Variants in GPC5 observed in about 807,000 individuals in gnomAD.
The protein encoded by GPC5 is glypican-5.
Under a neutral mutation model 53.9 loss-of-function variants are expected in GPC5, and 47 were observed. The observed-to-expected ratio is 0.87, with a 90% CI of 0.69 to 1.11. The LOEUF (loss-of-function observed/expected upper bound fraction) is 1.11. Among genes scored for constraint, GPC5 ranks in the 50% most tolerant of loss-of-function variants. The probability of loss-of-function intolerance (pLI) is 0.00; values close to 1 mark genes in which losing one functional copy is unlikely to be tolerated. For synonymous variants in GPC5, 286 were observed against 263.3 expected, an observed-to-expected ratio of 1.09 and a Z score of -0.84; for missense variants, 748 against 713.1, an observed-to-expected ratio of 1.05 and a Z score of -0.56.
intron 7 of GPC5, among the ~76,000 whole-genome samples, chr13:92,267,174 C>T (rs920706908): frequency 8.6e-5 from 13 of 152,006 alleles, no homozygotes; most frequent in African/African-American, 2.2e-4. Context: ...ATCAAACATA[C>T]GTTCTTTTTT....
intron 7 of GPC5, among the ~76,000 whole-genome samples, chr13:92,694,474 G>A (rs1283766820): frequency 6.6e-6 from 1 of 152,142 alleles, no homozygotes; most frequent in Non-Finnish European, 1.5e-5. Context: ...AGCATCCCTT[G>A]ATGCAAGACA....
chr13:92,452,972 G>A (rs974033072), intron 7 of GPC5, among the ~76,000 whole-genome samples: 6 of 152,176 alleles, frequency 3.9e-5, no homozygotes. Flanking sequence ...TTAAACTCGG[G>A]AGAACTGGCT....
intron 7 of GPC5, chr13:92,709,555 T>C (rs991104532): frequency 3.3e-5 from 5 of 152,186 alleles, no homozygotes; most frequent in Admixed American, 3.3e-4. Context: ...ATTACTCCTG[T>C]GTCTTCTCCT....
intron 7 of GPC5, among the ~76,000 whole-genome samples, chr13:92,791,637 AT>A (rs919405982): frequency 2.6e-5 from 4 of 152,100 alleles, no homozygotes; most frequent in East Asian, 1.9e-4. Flanking sequence ...GAAAAAAAAA[AT>A]GTTAGTCTAA....
Position 92,866,905 on chromosome 13 carries a change from A to G in GPC5, c.*466A>G. The G allele has an allele frequency of 6.6e-6, 1 of 152,236 alleles. No individual in the cohort carries two copies. Among genetic ancestry groups the G allele is most frequent in the East Asian group, 1.9e-4 (1 of 5,184 alleles). 9.4% of individuals were successfully genotyped at this position (152,236 alleles called of 1,614,324 possible). On this transcript the variant is annotated 3_prime_UTR_variant, in exon 8 of 8. Coordinates refer to ENST00000377067, the MANE Select transcript of GPC5 (RefSeq NM_004466.6). ...AAACATACAATGGCAAGTAGTATGCATGCATATTCAAGAGACTCTTCCATT... is the reference window on the plus strand; with the variant it reads ...AAACATACAATGGCAAGTAGTATGCGTGCATATTCAAGAGACTCTTCCATT...
intron 2 of GPC5, among the ~76,000 whole-genome samples, chr13:91,555,257 T>C (rs117563477): frequency 2.3e-3 from 343 of 152,110 alleles, no homozygotes; most frequent in Non-Finnish European, 4.2e-3. Flanking sequence ...ACTATACGTA[T>C]GCAAAAACAT....
At chr13:92,450,183 T>C (rs111437927) in intron 7 of GPC5, among the ~76,000 whole-genome samples, 4,654 of 152,172 alleles carry the variant, frequency 0.031, 224 homozygotes, top group African/African-American at 0.1. Flanking sequence ...GATATATATA[T>C]TCACTGGATT....
At chr13:92,543,132 T>C (rs1418791870) in intron 7 of GPC5, among the ~76,000 whole-genome samples, 2 of 152,100 alleles carry the variant, frequency 1.3e-5, no homozygotes, top group African/African-American at 4.8e-5. Context: ...GCTTGTTTTA[T>C]GCTGTCTCAC....
chr13:91,859,864 C>A (rs1409949761), intron 5 of GPC5, among the ~76,000 whole-genome samples: 1 of 151,674 alleles, frequency 6.6e-6, no homozygotes, highest in Non-Finnish European at 1.5e-5. Context: ...TAATAAATTA[C>A]CCTCTCAATT....
chr13:92,533,645 A>G (rs1881632974), intron 7 of GPC5, among the ~76,000 whole-genome samples: 1 of 152,150 alleles, frequency 6.6e-6, no homozygotes, highest in South Asian at 2.1e-4. Context: ...ATAGCGTTAA[A>G]TAGAGGGTAA....
At chr13:91,480,238 A>T (rs1338909430) in intron 2 of GPC5, among the ~76,000 whole-genome samples, 1 of 152,220 alleles carries the variant, frequency 6.6e-6, no homozygotes, top group Non-Finnish European at 1.5e-5. Flanking sequence ...GTCTTCATTT[A>T]TGGGACCACA....
chr13:92,866,410 G>A lies in GPC5; in HGVS notation c.1690G>A (p.Val564Met). The A allele has an allele frequency of 6.2e-7, 1 of 1,609,068 alleles. No homozygotes were observed. Among genetic ancestry groups the A allele is most frequent in the Non-Finnish European group, 8.5e-7 (1 of 1,176,976 alleles). The change falls in exon 8 of 8, where the codon GTG becomes ATG. Residue 564 changes from valine (V) to methionine (M), a missense_variant. By Grantham distance (21) the Val-to-Met change is conservative. Transcript: ENST00000377067. ...ATCTATGACATTCACTCTGATAAGTGTGGTGATGTTACTTCCCGGGATTTG... is the reference window on the plus strand; with the variant it reads ...ATCTATGACATTCACTCTGATAAGTATGGTGATGTTACTTCCCGGGATTTG... ...TESMTFTLIS[V>M]VMLLPGIW
At chr13:91,552,713 T>G (rs930515449) in intron 2 of GPC5, among the ~76,000 whole-genome samples, 1 of 152,126 alleles carries the variant, frequency 6.6e-6, no homozygotes, top group Admixed American at 6.6e-5. Context: ...TTTTCCACCC[T>G]GGGCAGACCA....
At chr13:92,012,868 A>T (rs2040674096) in intron 6 of GPC5, among the ~76,000 whole-genome samples, 1 of 152,128 alleles carries the variant, frequency 6.6e-6, no homozygotes, top group Non-Finnish European at 1.5e-5. Flanking sequence ...TGCTGTGCTC[A>T]CCTCTTGTGG....
rs1884692948 is a variant in GPC5 at position 92,616,397 on chromosome 13, T to G, written c.1562-249885T>G. ...TATTTAATAAGACTATAGCATACCTTGGAGGTATGTAATAAAGTGTGGAAA... is the reference window on the plus strand; with the variant it reads ...TATTTAATAAGACTATAGCATACCTGGGAGGTATGTAATAAAGTGTGGAAA... On this transcript the variant is annotated intron_variant, in intron 7 of 7. Transcript: ENST00000377067. 2.0e-5 allele frequency among the ~76,000 whole-genome samples: 3 copies of G among 152,242 alleles called. No individual in the cohort carries two copies. The South Asian group carries it at 6.2e-4, about 32-fold the overall frequency.
At chr13:92,777,070 G>A (rs1270039496) in intron 7 of GPC5, among the ~76,000 whole-genome samples, 1 of 137,768 alleles carries the variant, frequency 7.3e-6, no homozygotes, top group Non-Finnish European at 1.5e-5. Context: ...GGTGGCTTAA[G>A]CCTGTAATCC....
chr13:92,540,612 A>T (rs1881901609), intron 7 of GPC5, among the ~76,000 whole-genome samples: 1 of 151,948 alleles, frequency 6.6e-6, no homozygotes, highest in South Asian at 2.1e-4. Flanking sequence ...ATGGCCAACC[A>T]GTGGTCCAAT....
Position 92,201,182 on chromosome 13 carries a change from T to A in GPC5, c.1561+56193T>A, listed in dbSNP as rs546254705. ...ATTCTGTAAAAGTCTGAGATGCCAT[T>A]ATTTATGCCTTTCACTCTTGAAGAG... On this transcript the variant is annotated intron_variant, in intron 7 of 7. Transcript: ENST00000377067. Among the ~76,000 whole-genome samples the A allele has an allele frequency of 8.5e-5, 13 of 152,360 alleles. No individual in the cohort carries two copies. In the South Asian group the frequency reaches 2.7e-3, roughly 32 times the overall value.
intron 7 of GPC5, among the ~76,000 whole-genome samples, chr13:92,586,479 T>C (rs1484245933): frequency 6.6e-6 from 1 of 152,114 alleles, no homozygotes; most frequent in Non-Finnish European, 1.5e-5. Context: ...TGAAGTTGGG[T>C]TTTTAGCCAT....
Sources: allele counts gnomAD v4.1 joint callset (sites outside exome capture counted in the v4.1 genomes callset), GRCh38; gene constraint gnomAD v4.1.1; transcripts MANE v1.5; gene names NCBI Gene and HGNC (gene_info 2026-07-23, HGNC 2026-07-21).